Variants in DNM3 observed in about 807,000 individuals in gnomAD.
The protein encoded by DNM3 is dynamin 3, also known as dynamin-3.
In DNM3, 47 loss-of-function variants were observed where a neutral mutation model predicts 101.6. The ratio of observed to expected loss-of-function variants is 0.46; its 90% confidence interval spans 0.37 to 0.59. The LOEUF (loss-of-function observed/expected upper bound fraction) is 0.59. Among genes scored for constraint, DNM3 ranks in the 20% least tolerant of loss-of-function variants. The probability of loss-of-function intolerance (pLI) is 0.00; values close to 1 mark genes in which losing one functional copy is unlikely to be tolerated. For synonymous variants in DNM3, 385 were observed against 387.9 expected, an observed-to-expected ratio of 0.99 and a Z score of 0.09; for missense variants, 849 against 1,085.7, an observed-to-expected ratio of 0.78 and a Z score of 3.06.
chr1:172,409,848 T>G lies in DNM3; in HGVS notation c.*2007T>G, dbSNP rs2071110174. On this transcript the variant is annotated 3_prime_UTR_variant, in exon 21 of 21. Transcript: ENST00000627582. ...TTTGTGCTAAATGTGGTTTTGTGTT[T>G]TGCTGTATTTCAAAATTTTCCTTCT... 2.0e-6 allele frequency: 2 copies of G among 985,802 alleles called. No individual in the cohort carries two copies. Among genetic ancestry groups the G allele is most frequent in the Non-Finnish European group, 2.4e-6 (2 of 829,890 alleles). 61.1% of individuals were successfully genotyped at this position (985,802 alleles called of 1,614,324 possible). A position where few individuals can be genotyped will look rare whatever the true frequency, so the allele number is the denominator to read the frequency against.
intron 7 of DNM3, among the ~76,000 whole-genome samples, chr1:172,039,235 T>C (rs2049185272): frequency 2.0e-5 from 3 of 152,240 alleles, no homozygotes; most frequent in Admixed American, 6.5e-5. Flanking sequence ...CAGCACACAC[T>C]GCAGGATACC....
chr1:172,152,394 T>C (rs771160093), intron 14 of DNM3, among the ~76,000 whole-genome samples: 12 of 151,704 alleles, frequency 7.9e-5, no homozygotes, highest in Non-Finnish European at 1.3e-4. Context: ...CTAGTGGGAG[T>C]TGATTTTCCA....
intron 14 of DNM3, among the ~76,000 whole-genome samples, chr1:172,236,993 G>A (rs1236655206): frequency 4.6e-5 from 7 of 151,934 alleles, no homozygotes; most frequent in African/African-American, 7.3e-5. Context: ...TTATTGTATC[G>A]TTTCGCCAAT....
At chr1:171,913,368 G>C (rs2039455732) in intron 1 of DNM3, among the ~76,000 whole-genome samples, 2 of 152,104 alleles carry the variant, frequency 1.3e-5, no homozygotes, top group Non-Finnish European at 2.9e-5. Context: ...TCATATTATA[G>C]AGTAGCTGAC....
At chr1:171,891,577 A>G (rs2037286777) in intron 1 of DNM3, among the ~76,000 whole-genome samples, 2 of 152,038 alleles carry the variant, frequency 1.3e-5, no homozygotes, top group Admixed American at 1.3e-4. Context: ...TTTCATCATC[A>G]TGTCTCTAGG....
intron 15 of DNM3, among the ~76,000 whole-genome samples, chr1:172,260,293 A>T (rs2062588823): frequency 6.6e-6 from 1 of 152,060 alleles, no homozygotes; most frequent in East Asian, 1.9e-4. Context: ...TGGCTATAAT[A>T]TGCCATGAAG....
chr1:172,163,869 GTGTATA>G (rs2058642419), intron 14 of DNM3, among the ~76,000 whole-genome samples: 1 of 143,230 alleles, frequency 7.0e-6, no homozygotes, highest in African/African-American at 2.8e-5. Context: ...TATTTCATAT[GTGTATA>G]TGTATGTGTA....
chr1:172,137,567 C>T (rs1273432013), intron 14 of DNM3: 2 of 152,072 alleles, frequency 1.3e-5, no homozygotes, highest in Admixed American at 6.6e-5. Flanking sequence ...AAGACTGAGA[C>T]TTTCATTTTA....
intron 15 of DNM3, among the ~76,000 whole-genome samples, chr1:172,263,438 G>A (rs75521640): frequency 0.016 from 2,385 of 152,238 alleles, 59 homozygotes; most frequent in African/African-American, 0.053. Context: ...CTGAATGTCA[G>A]TATTGGTACT....
intron 1 of DNM3, among the ~76,000 whole-genome samples, chr1:171,915,507 T>G (rs1004988250): frequency 6.6e-6 from 1 of 152,092 alleles, no homozygotes; most frequent in Non-Finnish European, 1.5e-5. Context: ...AGCATGAGGA[T>G]AGAGGTAGAA....
intron 14 of DNM3, among the ~76,000 whole-genome samples, chr1:172,209,927 ATTCT>A (rs1456472765): frequency 1.1e-4 from 16 of 152,142 alleles, no homozygotes; most frequent in Admixed American, 4.6e-4. Flanking sequence ...CTAGCAAGTG[ATTCT>A]TTATTGTTTT....
At chr1:172,069,405 GA>G (rs201448973) in intron 11 of DNM3, among the ~76,000 whole-genome samples, 1 of 150,720 alleles carries the variant, frequency 6.6e-6, no homozygotes, top group African/African-American at 2.4e-5. Context: ...ACCTATGATT[GA>G]AAAAAAAATT....
rs564086063 is a variant in DNM3, at chr1:172,195,859, G to A, written c.1660-57714G>A. Among the ~76,000 whole-genome samples, 4 of 151,764 alleles carry A rather than the reference G, an allele frequency of 2.6e-5. No individual in the cohort carries two copies. The East Asian group carries it at 7.8e-4, about 29-fold the overall frequency. On this transcript the variant is annotated intron_variant, in intron 14 of 20. Coordinates refer to ENST00000627582, the MANE Select transcript of DNM3 (RefSeq NM_015569.5). ...AGGATTTCTGCATCTATGTTACTAA[G>A]TGGATTTTTTTTTTAGTTTTCCTTT...
At chr1:172,406,158 T>C (rs1282626206) in intron 20 of DNM3, among the ~76,000 whole-genome samples, 1 of 151,966 alleles carries the variant, frequency 6.6e-6, no homozygotes, top group Non-Finnish European at 1.5e-5. Context: ...AATAGAGATT[T>C]GTTGAGATGC....
intron 1 of DNM3, among the ~76,000 whole-genome samples, chr1:171,852,141 T>C (rs749746351): frequency 6.6e-6 from 1 of 152,232 alleles, no homozygotes; most frequent in African/African-American, 2.4e-5. Context: ...GTACATGTAA[T>C]ACAAATTCAG....
In DNM3 at chr1:172,260,004, G is replaced by C. The variant is rs746657100; in HGVS notation, c.1769+6322G>C. On this transcript the variant is annotated intron_variant, in intron 15 of 20. Coordinates refer to ENST00000627582, the MANE Select transcript of DNM3 (RefSeq NM_015569.5). ...AGGTCTCCCTTAAGTATTTCTTATAGGGGTGGTCTAGTGGTGCTGTATCTC... is the reference window on the plus strand; with the variant it reads ...AGGTCTCCCTTAAGTATTTCTTATACGGGTGGTCTAGTGGTGCTGTATCTC... Among the ~76,000 whole-genome samples, 4 of 148,736 alleles carry C rather than the reference G, an allele frequency of 2.7e-5. No homozygotes were observed. In the South Asian group the frequency reaches 8.5e-4, roughly 32 times the overall value.
chr1:171,867,307 G>A (rs2034849969), intron 1 of DNM3, among the ~76,000 whole-genome samples: 1 of 152,228 alleles, frequency 6.6e-6, no homozygotes, highest in Non-Finnish European at 1.5e-5. Flanking sequence ...TTAAGTAGTT[G>A]AGGAATACTG....
chr1:172,074,625 G>T (rs187087472), intron 11 of DNM3, among the ~76,000 whole-genome samples: 1 of 152,118 alleles, frequency 6.6e-6, no homozygotes, highest in East Asian at 1.9e-4. Context: ...CTTCATCCAT[G>T]TTCCTGCAAA....
At position 172,122,261 on chromosome 1, in the gene DNM3, C is replaced by T. The variant is rs572457429; in HGVS notation, c.1546-8914C>T. ...ATATATATTACAATTTTTTCCCTGT[C>T]CTTACAATAACAAATATAACTGAAA... On this transcript the variant is annotated intron_variant, in intron 13 of 20. Transcript: ENST00000627582. Among the ~76,000 whole-genome samples the T allele has an allele frequency of 3.5e-4, 53 of 152,102 alleles. No homozygotes were observed. In the East Asian group the frequency reaches 6.2e-3, roughly 18 times the overall value.
Sources: allele counts gnomAD v4.1 joint callset (sites outside exome capture counted in the v4.1 genomes callset), GRCh38; gene constraint gnomAD v4.1.1; transcripts MANE v1.5; gene names NCBI Gene and HGNC (gene_info 2026-07-23, HGNC 2026-07-21).